The following GSK3B variants were observed in gnomAD, a reference collection of about 807,000 sequenced individuals.
GSK3B encodes the protein glycogen synthase kinase 3 beta, also known as glycogen synthase kinase-3 beta.
In GSK3B, 15 loss-of-function variants were observed where a neutral mutation model predicts 56.4. The ratio of observed to expected loss-of-function variants is 0.27; its 90% CI spans 0.18 to 0.41. The LOEUF (loss-of-function observed/expected upper bound fraction) is 0.41, where lower values mean the gene tolerates loss of function less well. GSK3B is among the 10% of genes least tolerant of loss of function. The probability of loss-of-function intolerance (pLI) is 1.00; values close to 1 mark genes in which losing one functional copy is unlikely to be tolerated. For synonymous variants in GSK3B, 181 were observed against 188.9 expected, an observed-to-expected ratio of 0.96 and a Z score of 0.34; for missense variants, 300 against 513.4, an observed-to-expected ratio of 0.58 and a Z score of 4.02.
intron 10 of GSK3B, among the ~76,000 whole-genome samples, chr3:119,834,244 T>C (rs1412724292): frequency 6.6e-6 from 1 of 152,214 alleles, no homozygotes; most frequent in Non-Finnish European, 1.5e-5. Flanking sequence ...ACTGTAAAAC[T>C]ATGTCTTAGA....
At chr3:119,956,804 G>A (rs2107501420) in intron 2 of GSK3B, among the ~76,000 whole-genome samples, 1 of 152,268 alleles carries the variant, frequency 6.6e-6, no homozygotes, top group South Asian at 2.1e-4. Flanking sequence ...GAGACAGAGT[G>A]AGAAAAGCTC....
intron 2 of GSK3B, among the ~76,000 whole-genome samples, chr3:119,976,027 C>T (rs1432918002): frequency 6.6e-6 from 1 of 152,192 alleles, no homozygotes; most frequent in African/African-American, 2.4e-5. Context: ...TACCACTTCA[C>T]ACCCACGAGG....
intron 1 of GSK3B, among the ~76,000 whole-genome samples, chr3:120,023,874 G>A (rs6770314): frequency 0.28 from 43,001 of 152,084 alleles, 8,014 homozygotes; most frequent in African/African-American, 0.54. Flanking sequence ...ATTGTGACCC[G>A]CGTAGGCAAT....
intron 2 of GSK3B, among the ~76,000 whole-genome samples, chr3:119,984,844 C>T (rs996943755): frequency 3.9e-5 from 6 of 152,098 alleles, no homozygotes; most frequent in African/African-American, 1.4e-4. Context: ...TTTTATGAGG[C>T]CAACATCATC....
intron 2 of GSK3B, among the ~76,000 whole-genome samples, chr3:119,951,184 C>T (rs1576223756): frequency 6.6e-6 from 1 of 152,150 alleles, no homozygotes; most frequent in East Asian, 1.9e-4. Context: ...GAGGGAGGCT[C>T]AACAGAGCCC....
intron 10 of GSK3B, among the ~76,000 whole-genome samples, chr3:119,830,850 T>C (rs1195305279): frequency 1.3e-5 from 2 of 152,314 alleles, no homozygotes; most frequent in Admixed American, 6.5e-5. Context: ...CACCCACCTA[T>C]GAAATGAGGC....
intron 10 of GSK3B, among the ~76,000 whole-genome samples, chr3:119,830,494 C>T (rs2055582220): frequency 6.6e-6 from 1 of 152,108 alleles, no homozygotes; most frequent in South Asian, 2.1e-4. Context: ...ATAGTGACTC[C>T]ACAACATAAA....
intron 4 of GSK3B, among the ~76,000 whole-genome samples, chr3:119,919,742 C>G (rs2056818949): frequency 6.6e-6 from 1 of 151,380 alleles, no homozygotes; most frequent in Non-Finnish European, 1.5e-5. Context: ...CCAAAAAAAC[C>G]ACAACAAAAA....
In GSK3B at chr3:120,093,772, T is replaced by C; in HGVS notation, c.-338A>G. The C allele has an allele frequency of 7.3e-6, 2 of 274,784 alleles. No homozygotes were observed. The highest frequency in any genetic ancestry group is 1.4e-5 in the Non-Finnish European group (2 of 144,956). 17.0% of individuals were successfully genotyped at this position (274,784 alleles called of 1,614,324 possible). A position where few individuals can be genotyped will look rare whatever the true frequency, so the allele number is the denominator to read the frequency against. On this transcript the variant is annotated 5_prime_UTR_variant, in exon 1 of 11. Transcript: ENST00000264235. ...ATGTATCACGTGAAACGGGGGCAAATACTTGATTGAAAATGAGTACTTCGA... is the reference window on the plus strand; with the variant it reads ...ATGTATCACGTGAAACGGGGGCAAACACTTGATTGAAAATGAGTACTTCGA...
At chr3:120,065,267 C>A (rs1283300654) in intron 1 of GSK3B, among the ~76,000 whole-genome samples, 1 of 152,040 alleles carries the variant, frequency 6.6e-6, no homozygotes. Context: ...AACTCAACAA[C>A]AAAAAGACTA....
chr3:119,917,129 T>A (rs2056788948), intron 4 of GSK3B, among the ~76,000 whole-genome samples: 1 of 151,798 alleles, frequency 6.6e-6, no homozygotes, highest in Non-Finnish European at 1.5e-5. Context: ...AATATCTTGG[T>A]AAAAAAACAA....
chr3:119,859,911 C>T (rs527341603), intron 9 of GSK3B, among the ~76,000 whole-genome samples: 2 of 152,166 alleles, frequency 1.3e-5, no homozygotes, highest in African/African-American at 4.8e-5. Flanking sequence ...GCCACTCTTA[C>T]TTATCTCCCT....
chr3:120,079,879 T>C (rs1000848308), intron 1 of GSK3B, among the ~76,000 whole-genome samples: 3 of 152,182 alleles, frequency 2.0e-5, no homozygotes, highest in Non-Finnish European at 2.9e-5. Flanking sequence ...TTGTACCCTA[T>C]ACCAGCCAAA....
At chr3:119,853,785 T>C (rs568864630) in intron 9 of GSK3B, among the ~76,000 whole-genome samples, 57 of 152,248 alleles carry the variant, frequency 3.7e-4, no homozygotes, top group Non-Finnish European at 8.2e-4. Context: ...CCTGAGACTT[T>C]GCTGAAATTG....
intron 1 of GSK3B, among the ~76,000 whole-genome samples, chr3:120,089,535 C>T (rs116032364): frequency 4.0e-4 from 61 of 152,198 alleles, no homozygotes; most frequent in African/African-American, 1.3e-3. Context: ...CACCATACGA[C>T]GTAATACTGC....
chr3:119,970,643 C>T (rs991459017), intron 2 of GSK3B, among the ~76,000 whole-genome samples: 2 of 148,898 alleles, frequency 1.3e-5, no homozygotes, highest in East Asian at 2.0e-4. Context: ...AAAAATTAGC[C>T]GGGCATGGTG....
At chr3:119,843,440 CT>C (rs1559804580) in intron 9 of GSK3B, 87 bp from the exon 10 acceptor site, 5 of 680,034 alleles carry the variant, frequency 7.4e-6, no homozygotes, top group Non-Finnish European at 1.3e-5. Context: ...AAATAAGATT[CT>C]GCATTAAACT....
At chr3:119,986,588 A>G (rs919221189) in intron 2 of GSK3B, among the ~76,000 whole-genome samples, 3 of 152,192 alleles carry the variant, frequency 2.0e-5, no homozygotes, top group African/African-American at 7.2e-5. Context: ...AAAAATGCTC[A>G]TCATCACTGG....
At chr3:119,979,891 G>C (rs899672169) in intron 2 of GSK3B, among the ~76,000 whole-genome samples, 1 of 152,080 alleles carries the variant, frequency 6.6e-6, no homozygotes, top group Non-Finnish European at 1.5e-5. Context: ...TTGTCTTCCA[G>C]CTATACCTGT....
Sources: allele counts gnomAD v4.1 joint callset (sites outside exome capture counted in the v4.1 genomes callset), GRCh38; gene constraint gnomAD v4.1.1; transcripts MANE v1.5; gene names NCBI Gene and HGNC (gene_info 2026-07-23, HGNC 2026-07-21).